Variants in ITGA8 observed in about 807,000 individuals in gnomAD.
The protein encoded by ITGA8 is integrin alpha-8.
A neutral mutation model predicts 142.3 loss-of-function variants in ITGA8; 91 were observed. That is an observed-to-expected ratio of 0.64 (90% CI 0.54 to 0.76). ITGA8 has a LOEUF of 0.76. ITGA8 is among the 30% of genes least tolerant of loss of function. The pLI is 0.00. For missense variants in ITGA8, 1,406 were observed against 1,327.7 expected, an observed-to-expected ratio of 1.06 and a Z score of -0.92; for synonymous variants, 505 against 485.2, an observed-to-expected ratio of 1.04 and a Z score of -0.54.
chr10:15,710,644 T>C (rs1835346238), intron 2 of ITGA8, among the ~76,000 whole-genome samples: 2 of 152,210 alleles, frequency 1.3e-5, no homozygotes, highest in African/African-American at 4.8e-5. Flanking sequence ...CAAGCTGTAC[T>C]GTGCTGTGTG....
intron 2 of ITGA8, among the ~76,000 whole-genome samples, chr10:15,694,426 C>CATATATCAGATAAT (rs1564412570): frequency 3.7e-5 from 5 of 134,578 alleles, no homozygotes; most frequent in African/African-American, 5.5e-5. Flanking sequence ...GATAATATAT[C>CATATATCAGATAAT]ATATATATGA....
chr10:15,532,581 C>G (rs1429073550), intron 27 of ITGA8, among the ~76,000 whole-genome samples: 1 of 151,948 alleles, frequency 6.6e-6, no homozygotes, highest in Non-Finnish European at 1.5e-5. Flanking sequence ...CTCATATTAA[C>G]TGTTGATAAA....
chr10:15,572,462 G>A (rs1834204265), intron 24 of ITGA8, 93 bp from the exon 25 acceptor site: 3 of 1,177,758 alleles, frequency 2.5e-6, no homozygotes, highest in Admixed American at 2.2e-5. Flanking sequence ...TAGAAAGCAT[G>A]TATTATTGGT....
At chr10:15,628,533 C>T (rs891554562) in intron 13 of ITGA8, among the ~76,000 whole-genome samples, 1 of 151,552 alleles carries the variant, frequency 6.6e-6, no homozygotes, top group Non-Finnish European at 1.5e-5. Context: ...AGGGTTTCAC[C>T]TCGTCAGCCA....
chr10:15,665,953 T>C (rs1003320740), intron 8 of ITGA8, among the ~76,000 whole-genome samples: 5 of 152,272 alleles, frequency 3.3e-5, no homozygotes, highest in Non-Finnish European at 7.3e-5. Context: ...GGTAGGGTGA[T>C]GCCTCCAGCT....
At chr10:15,536,575 C>A (rs946536186) in intron 27 of ITGA8, among the ~76,000 whole-genome samples, 1 of 152,170 alleles carries the variant, frequency 6.6e-6, no homozygotes, top group African/African-American at 2.4e-5. Flanking sequence ...TCCCATATAG[C>A]AATCTACTCA....
intron 2 of ITGA8, among the ~76,000 whole-genome samples, chr10:15,710,223 G>A (rs1378264994): frequency 6.6e-6 from 1 of 152,112 alleles, no homozygotes; most frequent in Non-Finnish European, 1.5e-5. Flanking sequence ...TTTTCAAGAA[G>A]TTGTAGACAC....
At chr10:15,685,196 T>A (rs1468636814) in intron 3 of ITGA8, among the ~76,000 whole-genome samples, 2 of 152,218 alleles carry the variant, frequency 1.3e-5, no homozygotes, top group Non-Finnish European at 2.9e-5. Flanking sequence ...CCCTCCTTGT[T>A]ATGGAGAAAT....
intron 2 of ITGA8, among the ~76,000 whole-genome samples, chr10:15,693,713 T>C (rs1834975222): frequency 6.6e-6 from 1 of 152,168 alleles, no homozygotes; most frequent in Non-Finnish European, 1.5e-5. Context: ...CAGTTTCGAT[T>C]TCTTCTATAA....
At chr10:15,577,429 C>A (rs1425057332) in intron 23 of ITGA8, among the ~76,000 whole-genome samples, 4 of 152,024 alleles carry the variant, frequency 2.6e-5, no homozygotes, top group Non-Finnish European at 4.4e-5. Context: ...TACTCTATTT[C>A]TAATATAAAA....
At position 15,607,150 on chromosome 10, in the gene ITGA8, G is replaced by A. The variant is rs577449759; in HGVS notation, c.1764+527C>T. ...AGACAGTTATCACAACCTCACAACC[G>A]GCAAGGTGAAGATAGGTAATTGTGT... On this transcript the variant is annotated intron_variant, in intron 17 of 29. Coordinates refer to ENST00000378076, the MANE Select transcript of ITGA8 (RefSeq NM_003638.3). Among the ~76,000 whole-genome samples the A allele has an allele frequency of 4.6e-5, 7 of 152,182 alleles. No individual in the cohort carries two copies. The East Asian group carries it at 7.7e-4, about 17-fold the overall frequency.
intron 12 of ITGA8, 120 bp from the exon 13 acceptor site, chr10:15,644,341 C>A (rs1833927782): frequency 1.6e-5 from 14 of 871,608 alleles, no homozygotes; most frequent in Non-Finnish European, 2.4e-5. Context: ...GATCATGGCT[C>A]ACCGCAGCCC....
intron 26 of ITGA8, among the ~76,000 whole-genome samples, chr10:15,549,162 T>C (rs977076387): frequency 2.1e-4 from 32 of 151,628 alleles, no homozygotes; most frequent in Non-Finnish European, 1.0e-4. Context: ...ACATTCTATC[T>C]ATCAAATCAG....
intron 13 of ITGA8, among the ~76,000 whole-genome samples, chr10:15,631,999 T>C (rs935085703): frequency 2.6e-5 from 4 of 152,068 alleles, no homozygotes; most frequent in Admixed American, 1.3e-4. Flanking sequence ...AGATCTCTTG[T>C]ATCTGGCGAG....
At chr10:15,666,005 T>A (rs1834384524) in intron 8 of ITGA8, among the ~76,000 whole-genome samples, 3 of 152,252 alleles carry the variant, frequency 2.0e-5, no homozygotes, top group Admixed American at 2.0e-4. Flanking sequence ...AGCCGGCTCT[T>A]TTTTGGTTCC....
rs749402611 is a variant in ITGA8 at position 15,519,390 on chromosome 10, G to T, written c.3005C>A (p.Ala1002Glu). 1.2e-6 allele frequency: 2 copies of T among 1,613,516 alleles called. No individual in the cohort carries two copies. Among genetic ancestry groups the T allele is most frequent in the Non-Finnish European group, 1.7e-6 (2 of 1,179,662 alleles). The change falls in exon 29 of 30, where the codon GCA becomes GAA. Residue 1002 changes from alanine to glutamate, a missense_variant. Ala to Glu is a moderately radical substitution (Grantham distance 107, BLOSUM62 -1). Transcript: ENST00000378076. Reference protein sequence around the residue: ...SIVIKTSVIWATPNVSFSIPL... With the variant: ...SIVIKTSVIWETPNVSFSIPL... The stretch of plus-strand genomic sequence containing the variant: ...GATTGAGAAGGAAACATTCGGAGTT[G>T]CCCAAATAACTGATGTCTTAATCTG...
At chr10:15,656,491 G>A (rs903561792) in intron 10 of ITGA8, among the ~76,000 whole-genome samples, 2 of 152,020 alleles carry the variant, frequency 1.3e-5, no homozygotes, top group Non-Finnish European at 2.9e-5. Flanking sequence ...AGCCTCCTGA[G>A]TAACTGGGAT....
At chr10:15,613,170 AAAATAAATAAAT>A (rs1554777864) in intron 15 of ITGA8, among the ~76,000 whole-genome samples, 2 of 36,134 alleles carry the variant, frequency 5.5e-5, no homozygotes, top group African/African-American at 1.0e-4. Context: ...CAATAAATAA[AAAATAAATAAAT>A]AAATAAATAA....
chr10:15,678,298 A>T (rs1834670362), intron 5 of ITGA8, among the ~76,000 whole-genome samples: 1 of 152,186 alleles, frequency 6.6e-6, no homozygotes, highest in Non-Finnish European at 1.5e-5. Context: ...CTTACTGAAC[A>T]TCTCTTTTTA....
Sources: allele counts gnomAD v4.1 joint callset (sites outside exome capture counted in the v4.1 genomes callset), GRCh38; gene constraint gnomAD v4.1.1; transcripts MANE v1.5; gene names NCBI Gene and HGNC (gene_info 2026-07-23, HGNC 2026-07-21).